Variants in CYP2C19 observed in about 807,000 individuals in gnomAD.
CYP2C19 encodes cytochrome P450 family 2 subfamily C member 19, also known as cytochrome P450 2C19.
Under a neutral mutation model 40.9 loss-of-function variants are expected in CYP2C19, and 59 were observed. The observed-to-expected ratio is 1.44, with a 90% CI of 1.17 to 1.79. The LOEUF is 1.79. CYP2C19 is among the 40% of genes most tolerant of loss of function. The probability of loss-of-function intolerance (pLI) is 0.00; values close to 1 mark genes in which losing one functional copy is unlikely to be tolerated. For synonymous variants in CYP2C19, 253 were observed against 208.7 expected, an observed-to-expected ratio of 1.21 and a Z score of -1.83; for missense variants, 754 against 596.9, an observed-to-expected ratio of 1.26 and a Z score of -2.74.
intron 3 of CYP2C19, 39 bp from the exon 4 acceptor site, chr10:94,780,460 A>C (rs1389204514): frequency 6.2e-7 from 1 of 1,608,906 alleles, no homozygotes; most frequent in Non-Finnish European, 8.5e-7. Context: ...TTTATATCTA[A>C]TGTTTACTCA....
At chr10:94,833,181 G>T (rs910804274) in intron 6 of CYP2C19, among the ~76,000 whole-genome samples, 1 of 152,082 alleles carries the variant, frequency 6.6e-6, no homozygotes, top group African/African-American at 2.4e-5. Context: ...GTTTTTCCTA[G>T]TATAAGGTTA....
chr10:94,828,181 G>A (rs149282898), intron 6 of CYP2C19, among the ~76,000 whole-genome samples: 8 of 152,188 alleles, frequency 5.3e-5, no homozygotes, highest in Middle Eastern at 3.4e-3. Context: ...TATTAGGTCC[G>A]CTTGGTGCAG....
In CYP2C19 at chr10:94,771,634, C is replaced by T. The variant is rs754507532; in HGVS notation, c.169-3424C>T. Among the ~76,000 whole-genome samples, 16 of 152,016 alleles carry T rather than the reference C, an allele frequency of 1.1e-4. 1 individual carries two copies. The highest frequency in any genetic ancestry group is 2.4e-4 in the Non-Finnish European group (16 of 68,008). On this transcript the variant is annotated intron_variant, in intron 1 of 8. Coordinates refer to ENST00000371321, the MANE Select transcript of CYP2C19 (RefSeq NM_000769.4). ...GCTTAGGATGCATTTCAAGGGTGAG[C>T]CTGTTGATGCCTGATTGTCTCTCAT...
intron 6 of CYP2C19, among the ~76,000 whole-genome samples, chr10:94,835,813 C>T (rs555689086): frequency 3.4e-4 from 51 of 152,146 alleles, no homozygotes; most frequent in African/African-American, 8.7e-4. Flanking sequence ...TTCTAGTGCC[C>T]GAGTGAGGGC....
chr10:94,843,137 T>C, intron 7 of CYP2C19, 113 bp downstream of exon 7: 1 of 1,332,772 alleles, frequency 7.5e-7, no homozygotes, highest in Non-Finnish European at 1.1e-6. Context: ...CTCCTATGTA[T>C]GGCAGTTTAA....
intron 5 of CYP2C19, among the ~76,000 whole-genome samples, chr10:94,799,947 C>T (rs1848741179): frequency 6.6e-6 from 1 of 152,092 alleles, no homozygotes; most frequent in Non-Finnish European, 1.5e-5. Flanking sequence ...TGCGTTAGAA[C>T]ATGCTCCTTT....
chr10:94,836,361 T>A (rs1394674360), intron 6 of CYP2C19, among the ~76,000 whole-genome samples: 1 of 152,230 alleles, frequency 6.6e-6, no homozygotes, highest in African/African-American at 2.4e-5. Context: ...GCTCATCCCT[T>A]GGACCTGTGT....
Position 94,799,259 on chromosome 10 carries a change from C to T in CYP2C19, c.819+17262C>T, listed in dbSNP as rs187652917. 2.5e-3 allele frequency among the ~76,000 whole-genome samples: 382 copies of T among 151,884 alleles called. 1 individual carries two copies. The highest frequency in any genetic ancestry group is 2.8e-3 in the Non-Finnish European group (188 of 67,942). ...AAGGATTTTATTTCTCCTTCATTTACGAGGCTTAGTTTGGCTGGATATGAA... is the reference window on the plus strand; with the variant it reads ...AAGGATTTTATTTCTCCTTCATTTATGAGGCTTAGTTTGGCTGGATATGAA... On this transcript the variant is annotated intron_variant, in intron 5 of 8. Transcript: ENST00000371321.
rs779012951 is a variant in CYP2C19 at position 94,762,729 on chromosome 10, G to T, written c.24G>T (p.Val8=). 1.5e-5 allele frequency: 25 copies of T among 1,613,538 alleles called. No homozygotes were observed. The highest frequency in any genetic ancestry group is 1.9e-5 in the Non-Finnish European group (22 of 1,179,836). MDPFVVL[V]LCLSCLLLLS... ...CAATGGATCCTTTTGTGGTCCTTGTGCTCTGTCTCTCATGTTTGCTTCTCC... is the reference window on the plus strand; with the variant it reads ...CAATGGATCCTTTTGTGGTCCTTGTTCTCTGTCTCTCATGTTTGCTTCTCC... The change falls in exon 1 of 9, where the codon GTG becomes GTT. Residue 8 remains valine (V), a synonymous_variant. Transcript: ENST00000371321.
intron 5 of CYP2C19, among the ~76,000 whole-genome samples, chr10:94,794,669 T>C (rs1040431069): frequency 2.0e-5 from 3 of 152,132 alleles, no homozygotes; most frequent in Admixed American, 6.6e-5. Flanking sequence ...ATAACAATTT[T>C]GTATGGGAGT....
rs1042433528 is a variant in CYP2C19 at position 94,855,033 on chromosome 10, T to C, written c.*2119T>C. Among the ~76,000 whole-genome samples the C allele has an allele frequency of 6.6e-6, 1 of 152,192 alleles. No homozygotes were observed. The highest frequency in any genetic ancestry group is 1.5e-5 in the Non-Finnish European group (1 of 68,026). On this transcript the variant is annotated 3_prime_UTR_variant, in exon 9 of 9. Coordinates refer to ENST00000371321, the MANE Select transcript of CYP2C19 (RefSeq NM_000769.4). ...CTAGTCTGTTTCCTCCTGGAGACTG[T>C]AGTGGATAATCTGTTTTCCTGCCTA...
Position 94,852,834 on chromosome 10 carries a change from A to G in CYP2C19, c.1393A>G (p.Lys465Glu), listed in dbSNP as rs1312830418. ...NFNLKSLIDP[K>E]DLDTTPVVNG... ...TAACCTGAAATCTCTGATTGACCCA[A>G]AGGACCTTGACACAACTCCTGTTGT... is the stretch of plus-strand genomic sequence containing the variant. The change falls in exon 9 of 9, where the codon AAG becomes GAG. Residue 465 changes from lysine (K) to glutamate (E), a missense_variant. Coordinates refer to ENST00000371321, the MANE Select transcript of CYP2C19 (RefSeq NM_000769.4). The G allele has an allele frequency of 2.0e-5, 33 of 1,614,010 alleles. No individual in the cohort carries two copies. Among genetic ancestry groups the G allele is most frequent in the Non-Finnish European group, 2.8e-5 (33 of 1,179,974 alleles).
At chr10:94,788,130 CTA>C (rs1848566138) in intron 5 of CYP2C19, among the ~76,000 whole-genome samples, 1 of 151,710 alleles carries the variant, frequency 6.6e-6, no homozygotes, top group Admixed American at 6.6e-5. Context: ...CCACCCCCCA[CTA>C]TGGCTATTTT....
chr10:94,820,599 A>C lies in CYP2C19; in HGVS notation c.923A>C (p.Tyr308Ser). Residue 308 changes from tyrosine (Y) to serine (S), a missense_variant, in exon 6 of 9, where the codon TAT (tyrosine) becomes TCT (serine). Physicochemically the swap from Tyr to Ser is moderately radical, Grantham distance 144. Coordinates refer to ENST00000371321, the MANE Select transcript of CYP2C19 (RefSeq NM_000769.4). ...GTETTSTTLR[Y>S]ALLLLLKHPE... ...GAGACAACAAGCACAACCCTGAGAT[A>C]TGCTCTCCTTCTCCTGCTGAAGCAC... is the stretch of plus-strand genomic sequence containing the variant. 6.2e-7 allele frequency: 1 copy of C among 1,614,202 alleles called. No homozygotes were observed. The highest frequency in any genetic ancestry group is 1.1e-5 in the South Asian group (1 of 91,086).
At chr10:94,779,069 C>A (rs1270850095) in intron 3 of CYP2C19, among the ~76,000 whole-genome samples, 1 of 151,958 alleles carries the variant, frequency 6.6e-6, no homozygotes, top group Non-Finnish European at 1.5e-5. Flanking sequence ...AAAATGAGAA[C>A]ACATGGACAC....
intron 6 of CYP2C19, among the ~76,000 whole-genome samples, chr10:94,831,438 A>T (rs917443650): frequency 6.6e-6 from 1 of 152,190 alleles, no homozygotes. Context: ...TTTTTAAAAA[A>T]CTTACAATAT....
Position 94,762,682 on chromosome 10 carries a change from T to C in CYP2C19, c.-24T>C. Reference sequence around the variant, plus strand: ...AGCTTGGAGTGCAAGCTCACGGTTGTCTTAACAAGAGGAGAAGGCTTCAAT... The same window carrying C: ...AGCTTGGAGTGCAAGCTCACGGTTGCCTTAACAAGAGGAGAAGGCTTCAAT... On this transcript the variant is annotated 5_prime_UTR_variant, in exon 1 of 9. Coordinates refer to ENST00000371321, the MANE Select transcript of CYP2C19 (RefSeq NM_000769.4). 1 of 1,611,006 alleles carries C rather than the reference T, an allele frequency of 6.2e-7. No individual in the cohort carries two copies. Among genetic ancestry groups the C allele is most frequent in the Non-Finnish European group, 8.5e-7 (1 of 1,178,460 alleles).
At chr10:94,850,190 C>A in intron 8 of CYP2C19, 132 bp downstream of exon 8, 2 of 1,063,466 alleles carry the variant, frequency 1.9e-6, no homozygotes, top group Non-Finnish European at 2.8e-6. Flanking sequence ...GTTCTGAATG[C>A]CTGTGTTTTC....
At chr10:94,800,272 G>T (rs1463948229) in intron 5 of CYP2C19, among the ~76,000 whole-genome samples, 1 of 152,202 alleles carries the variant, frequency 6.6e-6, no homozygotes, top group Non-Finnish European at 1.5e-5. Flanking sequence ...CTCAGCTGCA[G>T]GTCTGTTGGA....
Sources: gnomAD v4.1 joint callset for allele counts (sites outside exome capture counted in the v4.1 genomes callset) on GRCh38, gnomAD v4.1.1 for gene constraint, MANE v1.5 for transcripts, NCBI Gene and HGNC (gene_info 2026-07-23, HGNC 2026-07-21) for gene names.